The following ZNF676 variants were observed in gnomAD, a reference collection of about 807,000 sequenced individuals.
ZNF676 encodes the protein zinc finger protein 676.
A neutral mutation model predicts 6.0 loss-of-function variants in ZNF676; 4 were observed. The ratio of observed to expected loss-of-function variants is 0.67; its 90% CI spans 0.33 to 1.53. The LOEUF is 1.53. ZNF676 is among the 40% of genes most tolerant of loss of function. The probability of loss-of-function intolerance (pLI) is 0.06; values close to 1 mark genes in which losing one functional copy is unlikely to be tolerated. For synonymous variants in ZNF676, 198 were observed against 223.1 expected (o/e 0.89, Z 1.00); for missense variants, 644 against 679.7 (o/e 0.95, Z 0.58).
chr19:22,217,947 A>C (rs567732706), upstream of ZNF676, among the ~76,000 whole-genome samples: 1 of 149,982 alleles, frequency 6.7e-6, no homozygotes, highest in Admixed American at 6.6e-5. Flanking sequence ...CAGGTGATCC[A>C]CCCGTCTTGG....
At chr19:22,231,326 C>A in the ZNF676 span, among the ~76,000 whole-genome samples, 1 of 151,672 alleles carries the variant, frequency 6.6e-6, no homozygotes, top group Non-Finnish European at 1.5e-5. Context: ...AAAGATACAA[C>A]AATCAAATGA....
intron 1 of ZNF676, among the ~76,000 whole-genome samples, chr19:22,211,482 AAC>A (rs1418202169): frequency 6.6e-6 from 1 of 152,220 alleles, no homozygotes; most frequent in Non-Finnish European, 1.5e-5. Context: ...ATGATTCAAA[AAC>A]AGTGTTCATA....
At chr19:22,217,766 C>T (rs1336727654), upstream of ZNF676, among the ~76,000 whole-genome samples, 5 of 151,908 alleles carry the variant, frequency 3.3e-5, no homozygotes, top group African/African-American at 7.3e-5. Flanking sequence ...TGCAGTGGTG[C>T]GATCTTGGCT....
At chr19:22,201,246 C>G (rs1049644820), upstream of ZNF676, among the ~76,000 whole-genome samples, 3 of 152,154 alleles carry the variant, frequency 2.0e-5, no homozygotes, top group African/African-American at 7.2e-5. Flanking sequence ...TTTACACTTA[C>G]AGATTCTGCC....
chr19:22,192,451 A>G (rs1021135967), intron 2 of ZNF676, among the ~76,000 whole-genome samples: 3 of 152,138 alleles, frequency 2.0e-5, no homozygotes, highest in Non-Finnish European at 2.9e-5. Flanking sequence ...AAATACAATC[A>G]TAAAATTTAC....
the ZNF676 span, among the ~76,000 whole-genome samples, chr19:22,224,336 A>C: frequency 6.6e-6 from 1 of 151,688 alleles, no homozygotes; most frequent in Non-Finnish European, 1.5e-5. Flanking sequence ...GTACACTTTA[A>C]GTCAATGTGG....
chr19:22,256,743 T>C, the ZNF676 span, among the ~76,000 whole-genome samples: 1 of 152,062 alleles, frequency 6.6e-6, no homozygotes, highest in Non-Finnish European at 1.5e-5. Context: ...CAGTGATTCA[T>C]TACAATCCCC....
upstream of ZNF676, among the ~76,000 whole-genome samples, chr19:22,217,401 C>G (rs1186652819): frequency 6.6e-6 from 1 of 151,978 alleles, no homozygotes; most frequent in Admixed American, 6.6e-5. Context: ...CAGGGTTTCT[C>G]CATGTTGGTC....
the ZNF676 span, among the ~76,000 whole-genome samples, chr19:22,235,340 T>C: frequency 0.23 from 35,706 of 152,072 alleles, 4,879 homozygotes; most frequent in South Asian, 0.43. Flanking sequence ...CCTTCTTCTT[T>C]TCTGGACCAC....
At chr19:22,185,562 G>A (rs552171559) in intron 2 of ZNF676, among the ~76,000 whole-genome samples, 3 of 151,548 alleles carry the variant, frequency 2.0e-5, no homozygotes, top group African/African-American at 4.8e-5. Flanking sequence ...AAATTTCAGA[G>A]GTGGGTAATA....
chr19:22,219,011 ATTTTTTTTTTTTAGTTTTAGGAT>A (rs1157008337), upstream of ZNF676, among the ~76,000 whole-genome samples: 12 of 123,146 alleles, frequency 9.7e-5, no homozygotes, highest in East Asian at 1.5e-3. Context: ...AAATTTTAGG[ATTTTTTTTTTTTAGTTTTAGGAT>A]TTTTTTTTTT....
At chr19:22,204,688 A>G (rs1482262865) in intron 1 of ZNF676, among the ~76,000 whole-genome samples, 1 of 152,194 alleles carries the variant, frequency 6.6e-6, no homozygotes, top group African/African-American at 2.4e-5. Flanking sequence ...AATTAATCCG[A>G]TCTTTGTGCT....
upstream of ZNF676, among the ~76,000 whole-genome samples, chr19:22,200,841 A>C (rs934789532): frequency 2.0e-5 from 3 of 151,884 alleles, no homozygotes; most frequent in African/African-American, 7.3e-5. Flanking sequence ...GAGACACTGC[A>C]CCCAGCCTGC....
intron 2 of ZNF676, among the ~76,000 whole-genome samples, chr19:22,189,164 A>G (rs1381185025): frequency 2.0e-5 from 3 of 152,176 alleles, no homozygotes; most frequent in South Asian, 2.1e-4. Context: ...AGATATATAG[A>G]CAACTGAAAC....
chr19:22,233,144 T>C, the ZNF676 span, among the ~76,000 whole-genome samples: 9 of 152,288 alleles, frequency 5.9e-5, no homozygotes, highest in Admixed American at 2.0e-4. Context: ...TATATTCATA[T>C]GAAGAATTAT....
rs112722708 is a variant in ZNF676, at chr19:22,192,794, A to C, written c.130+222T>G. Among the ~76,000 whole-genome samples the C allele has an allele frequency of 5.3e-3, 809 of 152,306 alleles. 5 individuals carry two copies. Among genetic ancestry groups the C allele is most frequent in the African/African-American group, 0.018 (766 of 41,570 alleles). Reference sequence around the variant, plus strand: ...AACAGTACTTTGGCTATCACTGTAAACTTGAAGGAAAATTACTTAAGGGAA... The same window carrying C: ...AACAGTACTTTGGCTATCACTGTAACCTTGAAGGAAAATTACTTAAGGGAA... On this transcript the variant is annotated intron_variant, in intron 2 of 2. Transcript: ENST00000397121.
the ZNF676 span, among the ~76,000 whole-genome samples, chr19:22,251,124 T>G: frequency 6.6e-6 from 1 of 152,240 alleles, no homozygotes; most frequent in Non-Finnish European, 1.5e-5. Flanking sequence ...TGGCTGGGCT[T>G]GGCTTTTAAA....
chr19:22,234,677 T>C, the ZNF676 span, among the ~76,000 whole-genome samples: 119 of 152,250 alleles, frequency 7.8e-4, no homozygotes, highest in African/African-American at 2.6e-3. Flanking sequence ...CTCATGCCTG[T>C]AATCCCAGCA....
chr19:22,200,598 A>C (rs2024016331), upstream of ZNF676, among the ~76,000 whole-genome samples: 1 of 133,274 alleles, frequency 7.5e-6, no homozygotes. Flanking sequence ...GGCTCACTGT[A>C]GTCTCCACCT....
Sources: allele counts gnomAD v4.1 joint callset (sites outside exome capture counted in the v4.1 genomes callset), GRCh38; gene constraint gnomAD v4.1.1; transcripts MANE v1.5; gene names NCBI Gene and HGNC (gene_info 2026-07-23, HGNC 2026-07-21).